Variants in GPC5 observed in about 807,000 individuals in gnomAD.
The protein encoded by GPC5 is glypican-5.
A neutral mutation model predicts 53.9 loss-of-function variants in GPC5; 47 were observed. The observed-to-expected ratio is 0.87, with a 90% confidence interval of 0.69 to 1.11. The LOEUF (loss-of-function observed/expected upper bound fraction) is 1.11, where lower values mean the gene tolerates loss of function less well. Ranked by LOEUF, GPC5 falls within the 50% of genes most tolerant of loss-of-function variation. The pLI is 0.00. For synonymous variants in GPC5, 286 were observed against 263.3 expected (o/e 1.09, Z -0.84); for missense variants, 748 against 713.1 (o/e 1.05, Z -0.56).
Position 92,663,856 on chromosome 13 carries a change from CTA to C in GPC5, c.1562-202379_1562-202378del, listed in dbSNP as rs201565650. On this transcript the variant is annotated intron_variant, in intron 7 of 7. Coordinates refer to ENST00000377067, the MANE Select transcript of GPC5 (RefSeq NM_004466.6). ...CACTATATATATATACACACACACA[CTA>C]TATATATATATATATATATATATAT... Among the ~76,000 whole-genome samples the C allele has an allele frequency of 9.1e-3, 807 of 88,206 alleles. 5 individuals are homozygous for C. Among genetic ancestry groups the C allele is most frequent in the East Asian group, 0.021 (65 of 3,160 alleles). 57.9% of individuals were successfully genotyped at this position (88,206 alleles called of 152,430 possible). A position where few individuals can be genotyped will look rare whatever the true frequency, so the allele number is the denominator to read the frequency against.
intron 5 of GPC5, among the ~76,000 whole-genome samples, chr13:91,767,537 G>A (rs540326859): frequency 3.3e-5 from 5 of 152,082 alleles, no homozygotes; most frequent in Non-Finnish European, 7.4e-5. Flanking sequence ...AGATTGTTTT[G>A]GGTGACACGG....
At chr13:91,709,081 T>C (rs573836966) in intron 3 of GPC5, among the ~76,000 whole-genome samples, 1 of 152,292 alleles carries the variant, frequency 6.6e-6, no homozygotes, top group South Asian at 2.1e-4. Context: ...TTCATTCGAA[T>C]ATTCAAGTAA....
rs1264622837 is a variant in GPC5 at position 91,766,719 on chromosome 13, G to A, written c.1280+10299G>A. ...CTACTAAAAATACAAAATTAACTGT[G>A]TGTGGTGGCACATGCCTGTAATCTC... On this transcript the variant is annotated intron_variant, in intron 5 of 7. Coordinates refer to ENST00000377067, the MANE Select transcript of GPC5 (RefSeq NM_004466.6). Among the ~76,000 whole-genome samples the A allele has an allele frequency of 2.0e-5, 3 of 152,134 alleles. No homozygotes were observed. The East Asian group carries it at 5.8e-4, about 29-fold the overall frequency.
intron 5 of GPC5, among the ~76,000 whole-genome samples, chr13:91,892,957 A>C (rs934552091): frequency 5.3e-5 from 8 of 152,100 alleles, no homozygotes; most frequent in Non-Finnish European, 7.4e-5. Flanking sequence ...TATTAGATAA[A>C]ATGAGTCATC....
chr13:91,815,860 TTTC>T (rs1233937153), intron 5 of GPC5, among the ~76,000 whole-genome samples: 1 of 152,208 alleles, frequency 6.6e-6, no homozygotes, highest in Non-Finnish European at 1.5e-5. Flanking sequence ...CTTTCTCCAC[TTTC>T]TTCTTTGTTT....
At chr13:92,464,607 A>C (rs764490190) in intron 7 of GPC5, among the ~76,000 whole-genome samples, 78 of 152,160 alleles carry the variant, frequency 5.1e-4, no homozygotes, top group Middle Eastern at 6.8e-3. Context: ...GAATACCTTG[A>C]CTCAAGAATA....
intron 7 of GPC5, among the ~76,000 whole-genome samples, chr13:92,697,890 G>A (rs1887604471): frequency 6.6e-6 from 1 of 152,112 alleles, no homozygotes; most frequent in South Asian, 2.1e-4. Context: ...AGTTTATTGA[G>A]AGTTTTTAGC....
intron 1 of GPC5, among the ~76,000 whole-genome samples, chr13:91,430,671 G>A (rs1426827207): frequency 1.3e-5 from 2 of 152,138 alleles, no homozygotes; most frequent in Non-Finnish European, 2.9e-5. Flanking sequence ...AAGCATCTAT[G>A]TCAAGGGTAA....
chr13:92,456,989 T>C (rs1227849086), intron 7 of GPC5, among the ~76,000 whole-genome samples: 1 of 152,002 alleles, frequency 6.6e-6, no homozygotes, highest in Non-Finnish European at 1.5e-5. Context: ...TTTTCAGCCC[T>C]TGCTCCTCTC....
At chr13:92,194,451 T>C (rs947197326) in intron 7 of GPC5, among the ~76,000 whole-genome samples, 1 of 152,112 alleles carries the variant, frequency 6.6e-6, no homozygotes. Flanking sequence ...TTAAAACAAG[T>C]CTCCTGTCTG....
chr13:92,143,421 C>T (rs2138981922), intron 6 of GPC5, among the ~76,000 whole-genome samples: 1 of 152,164 alleles, frequency 6.6e-6, no homozygotes, highest in Non-Finnish European at 1.5e-5. Context: ...TGTGTTTCTT[C>T]ATTGCTGTAC....
At chr13:92,178,371 G>T (rs1195105215) in intron 7 of GPC5, among the ~76,000 whole-genome samples, 1 of 151,388 alleles carries the variant, frequency 6.6e-6, no homozygotes, top group African/African-American at 2.4e-5. Flanking sequence ...TGCCACTTTG[G>T]TTAATTTGCC....
rs141233045 is a variant in GPC5, at chr13:91,513,460, G to A, written c.325+64538G>A. Among the ~76,000 whole-genome samples the A allele has an allele frequency of 5.9e-5, 9 of 152,180 alleles. No homozygotes were observed. In the East Asian group the frequency reaches 1.5e-3, roughly 26 times the overall value. On this transcript the variant is annotated intron_variant, in intron 2 of 7. Transcript: ENST00000377067. ...CCACTGTTAAGATAGAGAACACTGG[G>A]CTGGGCGCGGTGGCTCATGCCTGTA...
Position 91,398,701 on chromosome 13 carries a change from C to CGGCAGCGGCAGCAGTTGCAGCAGTGGT in GPC5, c.-342_-316dup, listed in dbSNP as rs1876663019. On this transcript the variant is annotated 5_prime_UTR_variant, in exon 1 of 8. Coordinates refer to ENST00000377067, the MANE Select transcript of GPC5 (RefSeq NM_004466.6). The stretch of plus-strand genomic sequence containing the variant: ...GCAGTGGCGGCAGTGGCGGCAGTGG[C>CGGCAGCGGCAGCAGTTGCAGCAGTGGT]GGCAGCGGCAGCAGTTGCAGCAGTG... 1 of 244,568 alleles carries CGGCAGCGGCAGCAGTTGCAGCAGTGGT rather than the reference C, an allele frequency of 4.1e-6. No homozygotes were observed. Among genetic ancestry groups the CGGCAGCGGCAGCAGTTGCAGCAGTGGT allele is most frequent in the East Asian group, 8.7e-5 (1 of 11,546 alleles). 15.1% of individuals were successfully genotyped at this position (244,568 alleles called of 1,614,324 possible). A position where few individuals can be genotyped will look rare whatever the true frequency, so the allele number is the denominator to read the frequency against.
At chr13:91,718,813 C>A (rs1354471508) in intron 3 of GPC5, among the ~76,000 whole-genome samples, 1 of 152,108 alleles carries the variant, frequency 6.6e-6, no homozygotes, top group Non-Finnish European at 1.5e-5. Flanking sequence ...TCTCTGGCTC[C>A]TATACCACTC....
chr13:92,811,849 T>C (rs1293908160), intron 7 of GPC5, among the ~76,000 whole-genome samples: 1 of 151,974 alleles, frequency 6.6e-6, no homozygotes, highest in Non-Finnish European at 1.5e-5. Context: ...CAGCAATGTC[T>C]GTTGAAGATA....
chr13:92,572,441 T>C (rs1473567102), intron 7 of GPC5, among the ~76,000 whole-genome samples: 1 of 152,172 alleles, frequency 6.6e-6, no homozygotes, highest in Non-Finnish European at 1.5e-5. Flanking sequence ...GTGTTCTTTG[T>C]TCTGTTTTCA....
intron 7 of GPC5, among the ~76,000 whole-genome samples, chr13:92,325,844 C>T (rs2043247202): frequency 6.6e-6 from 1 of 151,956 alleles, no homozygotes; most frequent in African/African-American, 2.4e-5. Context: ...ATGAACGAGG[C>T]ATGGCACAGA....
At chr13:91,449,164 A>AAT (rs1250595611) in intron 2 of GPC5, among the ~76,000 whole-genome samples, 1 of 152,134 alleles carries the variant, frequency 6.6e-6, no homozygotes, top group African/African-American at 2.4e-5. Context: ...GATCGTTGGA[A>AAT]ATATATACTG....
Sources: allele counts gnomAD v4.1 joint callset (sites outside exome capture counted in the v4.1 genomes callset), GRCh38; gene constraint gnomAD v4.1.1; transcripts MANE v1.5; gene names NCBI Gene and HGNC (gene_info 2026-07-23, HGNC 2026-07-21).